DIP2B: variants seen among roughly 807,000 people sequenced by gnomAD.
DIP2B encodes the protein DIP2 acetate--CoA ligase B (putative).
In DIP2B, 76 loss-of-function variants were observed where a neutral mutation model predicts 198.0. That is an observed-to-expected ratio of 0.38 (90% confidence interval 0.32 to 0.46). DIP2B has a LOEUF of 0.46. Ranked by LOEUF, DIP2B falls within the 20% of genes least tolerant of loss-of-function variation. The pLI is 0.99. For synonymous variants in DIP2B, 701 were observed against 739.1 expected (o/e 0.95, Z 0.84); for missense variants, 1,559 against 1,978.4 (o/e 0.79, Z 4.02).
chr12:50,650,644 A>AT (rs963434687), intron 3 of DIP2B, among the ~76,000 whole-genome samples: 3 of 152,120 alleles, frequency 2.0e-5, no homozygotes, highest in African/African-American at 7.2e-5. Flanking sequence ...GGATTCCCTT[A>AT]TTTTTTTAAG....
At chr12:50,625,853 C>A in intron 1 of DIP2B, 123 bp from the exon 2 acceptor site, 1 of 1,009,556 alleles carries the variant, frequency 9.9e-7, no homozygotes, top group Non-Finnish European at 1.5e-6. Flanking sequence ...CATACATTCC[C>A]CCCCCCAACC....
At chr12:50,566,765 C>T (rs1253121500) in intron 1 of DIP2B, among the ~76,000 whole-genome samples, 4 of 151,942 alleles carry the variant, frequency 2.6e-5, no homozygotes, top group Admixed American at 6.6e-5. Flanking sequence ...GTCAGGAGAT[C>T]GAGACCATCC....
intron 1 of DIP2B, among the ~76,000 whole-genome samples, chr12:50,555,195 AG>A (rs2139390983): frequency 6.6e-6 from 1 of 152,228 alleles, no homozygotes; most frequent in African/African-American, 2.4e-5. Flanking sequence ...CTGTAGGGTG[AG>A]GAAAAGACAT....
At chr12:50,544,793 A>G (rs1162711862) in intron 1 of DIP2B, among the ~76,000 whole-genome samples, 1 of 151,232 alleles carries the variant, frequency 6.6e-6, no homozygotes, top group African/African-American at 2.4e-5. Flanking sequence ...AATTTTTTGT[A>G]TTTTTAGTAG....
intron 3 of DIP2B, among the ~76,000 whole-genome samples, chr12:50,643,185 A>T (rs1006821868): frequency 1.3e-5 from 2 of 152,218 alleles, no homozygotes; most frequent in South Asian, 4.1e-4. Context: ...GTTTTTTGTG[A>T]GCTCATTTAG....
rs546054704 is a variant in DIP2B, at chr12:50,735,715, C to T, written c.4101+585C>T. 4.6e-5 allele frequency among the ~76,000 whole-genome samples: 7 copies of T among 152,214 alleles called. No individual in the cohort carries two copies. The South Asian group carries it at 1.0e-3, about 23-fold the overall frequency. ...CCTGACATCAGGTGATCACCTGCCTCGGCCTCCCAAAGTGCTGGGATTACA... is the reference window on the plus strand; with the variant it reads ...CCTGACATCAGGTGATCACCTGCCTTGGCCTCCCAAAGTGCTGGGATTACA... On this transcript the variant is annotated intron_variant, in intron 34 of 37. Transcript: ENST00000301180.
intron 1 of DIP2B, among the ~76,000 whole-genome samples, chr12:50,525,814 C>T (rs540596933): frequency 4.6e-5 from 7 of 152,246 alleles, no homozygotes; most frequent in Admixed American, 1.3e-4. Flanking sequence ...TGCCTGGCCA[C>T]CTCTATGTCT....
chr12:50,598,260 T>G (rs1026393862), intron 1 of DIP2B, among the ~76,000 whole-genome samples: 23 of 152,164 alleles, frequency 1.5e-4, no homozygotes, highest in African/African-American at 5.6e-4. Flanking sequence ...TTGGAAACAT[T>G]GGATTCAACC....
chr12:50,708,312 T>C, intron 21 of DIP2B, 136 bp from the exon 22 acceptor site: 1 of 669,258 alleles, frequency 1.5e-6, no homozygotes, highest in East Asian at 2.8e-5. Flanking sequence ...AGAGTAATGA[T>C]TATGACATTT....
At chr12:50,690,055 C>T (rs1939195750) in intron 12 of DIP2B, among the ~76,000 whole-genome samples, 1 of 152,042 alleles carries the variant, frequency 6.6e-6, no homozygotes, top group Non-Finnish European at 1.5e-5. Context: ...TACTCTTTCT[C>T]CCCTTCTCAT....
At chr12:50,660,695 A>G (rs985491886) in intron 4 of DIP2B, among the ~76,000 whole-genome samples, 2 of 152,000 alleles carry the variant, frequency 1.3e-5, no homozygotes, top group African/African-American at 4.8e-5. Context: ...TATCTAATTC[A>G]TTTGTACTCC....
At chr12:50,556,870 C>G (rs1336275272) in intron 1 of DIP2B, among the ~76,000 whole-genome samples, 1 of 152,202 alleles carries the variant, frequency 6.6e-6, no homozygotes, top group Non-Finnish European at 1.5e-5. Flanking sequence ...CCACCACACC[C>G]AGCAAATTTT....
intron 25 of DIP2B, among the ~76,000 whole-genome samples, chr12:50,719,773 G>A (rs987301639): frequency 2.6e-4 from 40 of 151,410 alleles, no homozygotes; most frequent in African/African-American, 9.0e-4. Context: ...TCCGGGAGGC[G>A]GAGGTTGCAG....
rs533852630 is a variant in DIP2B, at chr12:50,600,386, T to TGTA, written c.101-25588_101-25586dup. Among the ~76,000 whole-genome samples, 441 of 152,320 alleles carry TGTA rather than the reference T, an allele frequency of 2.9e-3. 2 individuals are homozygous for TGTA. Among genetic ancestry groups the TGTA allele is most frequent in the Non-Finnish European group, 2.1e-3 (144 of 68,038 alleles). On this transcript the variant is annotated intron_variant, in intron 1 of 37. Coordinates refer to ENST00000301180, the MANE Select transcript of DIP2B (RefSeq NM_173602.3). ...CTGTTCTCCACAGAAATGTCCTTGTTGTAGCGTGCATAAATGTGGGTATCA... is the reference window on the plus strand; with the variant it reads ...CTGTTCTCCACAGAAATGTCCTTGTTGTAGTAGCGTGCATAAATGTGGGTATCA...
At chr12:50,604,576 G>C (rs1958966279) in intron 1 of DIP2B, among the ~76,000 whole-genome samples, 1 of 152,216 alleles carries the variant, frequency 6.6e-6, no homozygotes, top group Non-Finnish European at 1.5e-5. Flanking sequence ...TCCTGTCTCA[G>C]CCTCCTGAGT....
At chr12:50,616,102 G>A (rs1283094235) in intron 1 of DIP2B, among the ~76,000 whole-genome samples, 1 of 152,254 alleles carries the variant, frequency 6.6e-6, no homozygotes, top group Non-Finnish European at 1.5e-5. Context: ...TGCCTTAGGT[G>A]AAATACCATT....
chr12:50,561,426 T>C (rs1958518522), intron 1 of DIP2B, among the ~76,000 whole-genome samples: 1 of 152,112 alleles, frequency 6.6e-6, no homozygotes, highest in Non-Finnish European at 1.5e-5. Flanking sequence ...TTTCACCTAG[T>C]TAATTTTTTT....
chr12:50,532,997 A>G (rs972495217), intron 1 of DIP2B, among the ~76,000 whole-genome samples: 2 of 152,204 alleles, frequency 1.3e-5, no homozygotes, highest in Non-Finnish European at 2.9e-5. Flanking sequence ...TGCTTTCCCA[A>G]CTTTTACAAG....
At chr12:50,678,950 A>G in intron 8 of DIP2B, 74 bp downstream of exon 8, 1 of 1,523,528 alleles carries the variant, frequency 6.6e-7, no homozygotes, top group South Asian at 1.2e-5. Flanking sequence ...TTTTATCTAG[A>G]TACTTAGCAG....
Sources: gnomAD v4.1 joint callset for allele counts (sites outside exome capture counted in the v4.1 genomes callset) on GRCh38, gnomAD v4.1.1 for gene constraint, MANE v1.5 for transcripts, NCBI Gene and HGNC (gene_info 2026-07-23, HGNC 2026-07-21) for gene names.